The following CSMD2 variants were observed in gnomAD, a reference collection of about 807,000 sequenced individuals.
CSMD2 encodes the protein CUB and Sushi multiple domains 2.
In CSMD2, 130 loss-of-function variants were observed where a neutral mutation model predicts 398.5. The ratio of observed to expected loss-of-function variants is 0.33; its 90% CI spans 0.28 to 0.38. CSMD2 has a LOEUF of 0.38. Ranked by LOEUF, CSMD2 falls within the 10% of genes least tolerant of loss-of-function variation. The pLI is 1.00. For synonymous variants in CSMD2, 1,828 were observed against 1,908.5 expected (o/e 0.96, Z 1.10); for missense variants, 3,829 against 4,764.9 (o/e 0.80, Z 5.78).
intron 25 of CSMD2, among the ~76,000 whole-genome samples, chr1:33,682,998 C>T (rs561984783): frequency 6.6e-6 from 1 of 152,300 alleles, no homozygotes; most frequent in South Asian, 2.1e-4. Flanking sequence ...ATTCCTTCTG[C>T]TCAGTTTCAT....
intron 3 of CSMD2, among the ~76,000 whole-genome samples, chr1:33,970,131 A>T (rs1645706327): frequency 6.6e-6 from 1 of 151,084 alleles, no homozygotes; most frequent in African/African-American, 2.4e-5. Flanking sequence ...AGAAAAGAAA[A>T]GGCAGAAATT....
At position 34,032,597 on chromosome 1, in the gene CSMD2, C is replaced by T; in HGVS notation, c.514G>A (p.Glu172Lys). ...GGCCGATGAGGGAGGCACTTACCTT[C>T]ATAGGTGGCGTGGAAGCCTTGGGCA... Reference protein sequence around the residue: ...VSAQGFHATYEVLPSHTCGNP... With the variant: ...VSAQGFHATYKVLPSHTCGNP... The change falls in exon 3 of 71, where the codon GAA (glutamate) becomes AAA (lysine). Residue 172 changes from glutamate (E) to lysine (K), a missense_variant. This residue lies in a region of CSMD2 where 4 missense variants were observed against 22.0 expected (regional missense o/e 0.18). Transcript: ENST00000373381. 1 of 1,581,388 alleles carries T rather than the reference C, an allele frequency of 6.3e-7. No homozygotes were observed. Among genetic ancestry groups the T allele is most frequent in the South Asian group, 1.2e-5 (1 of 85,448 alleles).
At chr1:34,145,684 A>G (rs1251742087) in intron 1 of CSMD2, among the ~76,000 whole-genome samples, 1 of 152,226 alleles carries the variant, frequency 6.6e-6, no homozygotes, top group Non-Finnish European at 1.5e-5. Context: ...ATCCCGCGCC[A>G]TAACAAAGTT....
intron 13 of CSMD2, among the ~76,000 whole-genome samples, chr1:33,744,581 G>A (rs558892852): frequency 5.1e-4 from 77 of 152,002 alleles, no homozygotes; most frequent in African/African-American, 1.8e-3. Context: ...TGCTGTAAAT[G>A]AGAAAACAAA....
chr1:34,154,592 A>T (rs1215721281), intron 1 of CSMD2, among the ~76,000 whole-genome samples: 2 of 152,254 alleles, frequency 1.3e-5, no homozygotes, highest in African/African-American at 4.8e-5. Flanking sequence ...CTCAATGAGC[A>T]TGGTGAGATA....
rs531112032 is a variant in CSMD2 at position 33,667,566 on chromosome 1, G to A, written c.4053-4474C>T. On this transcript the variant is annotated intron_variant, in intron 25 of 70. Transcript: ENST00000373381. Reference sequence around the variant, plus strand: ...GCTGCCCACATCTCTGGGAGGAAGAGGCTGTGGTTGAGAGCTAGGCAGGGG... The same window carrying A: ...GCTGCCCACATCTCTGGGAGGAAGAAGCTGTGGTTGAGAGCTAGGCAGGGG... Among the ~76,000 whole-genome samples, 4 of 152,312 alleles carry A rather than the reference G, an allele frequency of 2.6e-5. No homozygotes were observed. The South Asian group carries it at 8.3e-4, about 32-fold the overall frequency.
rs1440181886 is a variant in CSMD2, at chr1:33,583,765, C to T, written c.7117G>A (p.Gly2373Arg). ...TGVILSQSYP[G>R]SYPQFQTCSW... ...CAGGTCTGGAACTGGGGATAGCTTCCAGGGTAGCTCTGGCTCAGGATCACG... is the reference window on the plus strand; with the variant it reads ...CAGGTCTGGAACTGGGGATAGCTTCTAGGGTAGCTCTGGCTCAGGATCACG... The change falls in exon 47 of 71, where the codon GGA becomes AGA. Residue 2373 changes from glycine (G) to arginine (R), a missense_variant. Gly to Arg is a moderately radical substitution (Grantham distance 125, BLOSUM62 -2). This residue lies in a region of CSMD2 where 723 missense variants were observed against 758.6 expected (regional missense o/e 0.95). Coordinates refer to ENST00000373381, the MANE Select transcript of CSMD2 (RefSeq NM_001281956.2). 9 of 1,614,172 alleles carry T rather than the reference C, an allele frequency of 5.6e-6. No individual in the cohort carries two copies. The highest frequency in any genetic ancestry group is 2.2e-5 in the East Asian group (1 of 44,882).
intron 25 of CSMD2, among the ~76,000 whole-genome samples, chr1:33,676,374 G>A (rs1319800457): frequency 6.6e-6 from 1 of 152,106 alleles, no homozygotes; most frequent in Non-Finnish European, 1.5e-5. Flanking sequence ...TTCAAAGTGA[G>A]TAAAATAGCT....
chr1:33,716,231 G>A (rs1646162453), intron 20 of CSMD2, 55 bp downstream of exon 20: 1 of 1,412,682 alleles, frequency 7.1e-7, no homozygotes, highest in East Asian at 2.3e-5. Flanking sequence ...GTAGCAGAAG[G>A]AGAGAGCAAA....
rs1311385704 is a variant in CSMD2, at chr1:33,562,502, G to C, written c.8381-3029C>G. Among the ~76,000 whole-genome samples the C allele has an allele frequency of 2.0e-5, 3 of 152,198 alleles. No individual in the cohort carries two copies. The East Asian group carries it at 5.8e-4, about 29-fold the overall frequency. Reference sequence around the variant, plus strand: ...GGGATGGAAGTTCTTTCTGGCTAGAGCAGAGAAGTGGCCTTTGCTGCTAAT... The same window carrying C: ...GGGATGGAAGTTCTTTCTGGCTAGACCAGAGAAGTGGCCTTTGCTGCTAAT... On this transcript the variant is annotated intron_variant, in intron 53 of 70. Coordinates refer to ENST00000373381, the MANE Select transcript of CSMD2 (RefSeq NM_001281956.2).
chr1:33,629,278 T>C (rs926451461), intron 32 of CSMD2, among the ~76,000 whole-genome samples: 3 of 151,788 alleles, frequency 2.0e-5, no homozygotes, highest in African/African-American at 7.3e-5. Flanking sequence ...CAAGAAAAAC[T>C]TGAAAATTAG....
chr1:33,748,676 G>T (rs994539441), intron 13 of CSMD2, among the ~76,000 whole-genome samples: 1 of 152,070 alleles, frequency 6.6e-6, no homozygotes. Context: ...CATGGATAAT[G>T]AGCCCATTAC....
At chr1:34,051,856 T>A (rs1653206179) in intron 2 of CSMD2, among the ~76,000 whole-genome samples, 1 of 152,178 alleles carries the variant, frequency 6.6e-6, no homozygotes, top group African/African-American at 2.4e-5. Context: ...AGATATTTGG[T>A]TAAACATTAT....
At chr1:34,003,250 C>T (rs1184836944) in intron 3 of CSMD2, among the ~76,000 whole-genome samples, 4 of 152,188 alleles carry the variant, frequency 2.6e-5, no homozygotes, top group Admixed American at 2.0e-4. Context: ...ATTACATCTC[C>T]TCCTTCCCCT....
chr1:33,672,662 G>T (rs963915881), intron 25 of CSMD2, among the ~76,000 whole-genome samples: 1 of 152,054 alleles, frequency 6.6e-6, no homozygotes, highest in Non-Finnish European at 1.5e-5. Context: ...GCAGACTGCC[G>T]CCTCAAGTGG....
chr1:33,611,753 T>C (rs1641021628), intron 40 of CSMD2, among the ~76,000 whole-genome samples: 1 of 152,228 alleles, frequency 6.6e-6, no homozygotes, highest in Non-Finnish European at 1.5e-5. Context: ...ATAAAGTTTC[T>C]ACTTTGGGAT....
intron 42 of CSMD2, among the ~76,000 whole-genome samples, chr1:33,603,950 T>G (rs1163090072): frequency 6.6e-6 from 1 of 152,154 alleles, no homozygotes; most frequent in Non-Finnish European, 1.5e-5. Flanking sequence ...GAACATAAAA[T>G]CTGCAAGACT....
At chr1:33,899,791 G>A (rs930779103) in intron 5 of CSMD2, among the ~76,000 whole-genome samples, 2 of 152,214 alleles carry the variant, frequency 1.3e-5, no homozygotes, top group African/African-American at 4.8e-5. Flanking sequence ...CTTGCTGTGA[G>A]AGAAGAGTAA....
intron 29 of CSMD2, among the ~76,000 whole-genome samples, chr1:33,643,247 C>A (rs1643214305): frequency 6.6e-6 from 1 of 152,228 alleles, no homozygotes; most frequent in Non-Finnish European, 1.5e-5. Flanking sequence ...TGTCTAAATT[C>A]TTTGCTATGG....
Sources: allele counts gnomAD v4.1 joint callset (sites outside exome capture counted in the v4.1 genomes callset), GRCh38; gene constraint gnomAD v4.1.1; regional missense constraint gnomAD v4.1.1; transcripts MANE v1.5; gene names NCBI Gene and HGNC (gene_info 2026-07-23, HGNC 2026-07-21).